TEKT5: variants seen among roughly 807,000 people sequenced by gnomAD.
TEKT5 encodes tektin 5.
Under a neutral mutation model 48.7 loss-of-function variants are expected in TEKT5, and 52 were observed. That is an observed-to-expected ratio of 1.07 (90% CI 0.86 to 1.35). TEKT5 has a LOEUF of 1.35. Ranked by LOEUF, TEKT5 falls within the 40% of genes most tolerant of loss-of-function variation. The pLI is 0.00. For synonymous variants in TEKT5, 318 were observed against 267.6 expected (o/e 1.19, Z -1.84); for missense variants, 831 against 641.6 (o/e 1.30, Z -3.19).
rs763166393 is a variant in TEKT5, at chr16:10,676,145, G to C, written c.900C>G (p.Asn300Lys). The change falls in exon 5 of 7, where the codon AAC (asparagine) becomes AAG (lysine). Residue 300 changes from asparagine (N) to lysine (K), a missense_variant. Transcript: ENST00000283025. ...TGTTCTGAGAGTGTTTGATGTTGTC[G>C]TTACTGAACTTGGCCCAGGTCTCAG... Reference protein sequence around the residue: ...SVPETWAKFSNDNIKHSQNMR... With the variant: ...SVPETWAKFSKDNIKHSQNMR... 4 of 1,614,208 alleles carry C rather than the reference G, an allele frequency of 2.5e-6. No homozygotes were observed. Among genetic ancestry groups the C allele is most frequent in the Non-Finnish European group, 3.4e-6 (4 of 1,180,040 alleles).
At chr16:10,684,767 A>G (rs1294551356) in intron 3 of TEKT5, among the ~76,000 whole-genome samples, 1 of 152,090 alleles carries the variant, frequency 6.6e-6, no homozygotes, top group African/African-American at 2.4e-5. Context: ...TCGGCCCACA[A>G]CCAAGGGCCA....
At chr16:10,691,460 G>A (rs4636907) in intron 1 of TEKT5, 63,416 of 152,428 alleles carry the variant, frequency 0.42, 13,534 homozygotes, top group East Asian at 0.62. Flanking sequence ...GGAGGAGAAG[G>A]ACTGTGTCAT....
intron 5 of TEKT5, among the ~76,000 whole-genome samples, chr16:10,666,667 T>C (rs551897158): frequency 3.9e-5 from 6 of 152,298 alleles, no homozygotes; most frequent in South Asian, 2.1e-4. Context: ...ACAGCAGCCA[T>C]TGATTACTGA....
At chr16:10,640,677 G>A (rs151296354) in intron 5 of TEKT5, among the ~76,000 whole-genome samples, 3 of 152,126 alleles carry the variant, frequency 2.0e-5, no homozygotes, top group East Asian at 1.9e-4. Flanking sequence ...CTTCTGTCAC[G>A]GTGCATTAGT....
intron 5 of TEKT5, among the ~76,000 whole-genome samples, chr16:10,641,430 A>G (rs541270519): frequency 1.2e-4 from 18 of 152,082 alleles, no homozygotes; most frequent in Non-Finnish European, 2.5e-4. Context: ...AGAGGAAAAT[A>G]CCACTCCTCA....
At chr16:10,630,936 C>T (rs1321884759) in intron 6 of TEKT5, among the ~76,000 whole-genome samples, 1 of 151,434 alleles carries the variant, frequency 6.6e-6, no homozygotes, top group Non-Finnish European at 1.5e-5. Flanking sequence ...ACCCAGGAGG[C>T]AGAGGTTGCA....
intron 5 of TEKT5, among the ~76,000 whole-genome samples, chr16:10,667,770 T>C (rs1442951835): frequency 6.6e-6 from 1 of 152,192 alleles, no homozygotes; most frequent in East Asian, 1.9e-4. Flanking sequence ...CTTTAACATA[T>C]GTATTTGAAA....
At chr16:10,642,084 TGTGCC>T (rs1420041828) in intron 5 of TEKT5, among the ~76,000 whole-genome samples, 4 of 152,266 alleles carry the variant, frequency 2.6e-5, no homozygotes, top group Admixed American at 6.5e-5. Flanking sequence ...TCTGGATCGC[TGTGCC>T]GTGCCCCTGG....
intron 5 of TEKT5, among the ~76,000 whole-genome samples, chr16:10,639,093 C>T (rs1392568666): frequency 3.3e-5 from 5 of 152,020 alleles, no homozygotes; most frequent in Admixed American, 3.3e-4. Flanking sequence ...TCACTTGAGC[C>T]CAGGAGTTTG....
intron 5 of TEKT5, among the ~76,000 whole-genome samples, chr16:10,670,137 C>A (rs946657186): frequency 1.3e-5 from 2 of 152,238 alleles, no homozygotes; most frequent in Non-Finnish European, 2.9e-5. Flanking sequence ...AACTGCCTTG[C>A]AGCATAGGTA....
chr16:10,648,507 T>C (rs1367497121), intron 5 of TEKT5, among the ~76,000 whole-genome samples: 1 of 152,176 alleles, frequency 6.6e-6, no homozygotes, highest in African/African-American at 2.4e-5. Context: ...TTATTTATTT[T>C]TGTTAGTAGA....
Position 10,694,771 on chromosome 16 carries a change from A to T in TEKT5, c.103T>A (p.Cys35Ser). The T allele has an allele frequency of 1.2e-6, 2 of 1,614,042 alleles. No homozygotes were observed. Among genetic ancestry groups the T allele is most frequent in the Non-Finnish European group, 1.7e-6 (2 of 1,179,974 alleles). ...PAVQAPVIQECYQPYYLPGYR... is the reference protein window; with the variant it reads ...PAVQAPVIQESYQPYYLPGYR... The stretch of plus-strand genomic sequence containing the variant: ...CCGGGCAGGTAGTAGGGCTGATAGC[A>T]TTCCTGGATCACTGGCGCCTGTACA... The change falls in exon 1 of 7, where the codon TGC (cysteine) becomes AGC (serine). Residue 35 changes from cysteine to serine, a missense_variant. Transcript: ENST00000283025.
Position 10,671,172 on chromosome 16 carries a change from C to T in TEKT5, c.1086+4787G>A, listed in dbSNP as rs561044859. Among the ~76,000 whole-genome samples, 50 of 152,238 alleles carry T rather than the reference C, an allele frequency of 3.3e-4. 1 individual carries two copies. The highest frequency in any genetic ancestry group is 9.6e-4 in the African/African-American group (40 of 41,526). Reference sequence around the variant, plus strand: ...CTGTTTTAAGAGCTCCAGAGATTACCTCATTAATACAGTAATGTTACCATG... The same window carrying T: ...CTGTTTTAAGAGCTCCAGAGATTACTTCATTAATACAGTAATGTTACCATG... On this transcript the variant is annotated intron_variant, in intron 5 of 6. Transcript: ENST00000283025.
chr16:10,660,118 T>A (rs1310757395), intron 5 of TEKT5, among the ~76,000 whole-genome samples: 1 of 152,178 alleles, frequency 6.6e-6, no homozygotes, highest in African/African-American at 2.4e-5. Flanking sequence ...AGGTCACAGC[T>A]GGAGAGAGGC....
chr16:10,693,144 G>C (rs1899012065), intron 1 of TEKT5, among the ~76,000 whole-genome samples: 1 of 152,194 alleles, frequency 6.6e-6, no homozygotes, highest in African/African-American at 2.4e-5. Flanking sequence ...GGCACAGGCT[G>C]GAGTGCAGTG....
intron 5 of TEKT5, among the ~76,000 whole-genome samples, chr16:10,669,010 A>G (rs750751586): frequency 6.6e-6 from 1 of 152,156 alleles, no homozygotes; most frequent in Non-Finnish European, 1.5e-5. Flanking sequence ...TAGAGCTACT[A>G]ATTTTTCAAG....
chr16:10,683,832 A>G (rs1348336384), intron 3 of TEKT5, among the ~76,000 whole-genome samples: 2 of 152,224 alleles, frequency 1.3e-5, no homozygotes, highest in Non-Finnish European at 2.9e-5. Context: ...ACCTCAGGCG[A>G]TCCGCCTGCC....
chr16:10,664,282 G>C (rs1302841547), intron 5 of TEKT5, among the ~76,000 whole-genome samples: 1 of 152,180 alleles, frequency 6.6e-6, no homozygotes, highest in African/African-American at 2.4e-5. Flanking sequence ...AGGGAAGGAA[G>C]AGGGAGGGAG....
Position 10,676,104 on chromosome 16 carries a change from A to G in TEKT5, c.941T>C (p.Ile314Thr), listed in dbSNP as rs1287248213. Residue 314 changes from isoleucine to threonine, a missense_variant, in exon 5 of 7, where the codon ATC becomes ACC. By Grantham distance (89) the Ile-to-Thr change is moderately conservative. Coordinates refer to ENST00000283025, the MANE Select transcript of TEKT5 (RefSeq NM_144674.2). The part of the protein sequence containing the change: ...KHSQNMRANS[I>T]QLREEAEHLF... ...GTGCTCCGCCTCCTCCCGCAGCTGG[A>G]TGGAGTTGGCCCGCATGTTCTGAGA... 1.2e-6 allele frequency: 2 copies of G among 1,614,166 alleles called. No individual in the cohort carries two copies. The highest frequency in any genetic ancestry group is 1.7e-6 in the Non-Finnish European group (2 of 1,180,022).
Sources: allele counts gnomAD v4.1 joint callset (sites outside exome capture counted in the v4.1 genomes callset), GRCh38; gene constraint gnomAD v4.1.1; transcripts MANE v1.5; gene names NCBI Gene and HGNC (gene_info 2026-07-23, HGNC 2026-07-21).